COL21A1: variants seen among roughly 807,000 people sequenced by gnomAD.
COL21A1 encodes the protein collagen alpha-1(XXI) chain.
Under a neutral mutation model 137.9 loss-of-function variants are expected in COL21A1, and 149 were observed. The ratio of observed to expected loss-of-function variants is 1.08; its 90% CI spans 0.95 to 1.24. The LOEUF is 1.24. COL21A1 is among the 50% of genes most tolerant of loss of function. The pLI is 0.00. For missense variants in COL21A1, 1,167 were observed against 1,158.4 expected, an observed-to-expected ratio of 1.01 and a Z score of -0.11; for synonymous variants, 456 against 391.5, an observed-to-expected ratio of 1.16 and a Z score of -1.95.
chr6:56,088,402 G>A (rs977018113), intron 17 of COL21A1, among the ~76,000 whole-genome samples: 1 of 152,102 alleles, frequency 6.6e-6, no homozygotes, highest in African/African-American at 2.4e-5. Flanking sequence ...TCATATTTGT[G>A]TCTATTAGTA....
chr6:56,083,907 T>C (rs986250941), intron 17 of COL21A1, among the ~76,000 whole-genome samples: 9 of 151,980 alleles, frequency 5.9e-5, no homozygotes, highest in African/African-American at 2.2e-4. Context: ...TATATCCGTA[T>C]AATATACTAT....
intron 3 of COL21A1, among the ~76,000 whole-genome samples, chr6:56,176,875 A>G (rs1301393811): frequency 7.7e-6 from 1 of 130,596 alleles, no homozygotes; most frequent in Non-Finnish European, 1.6e-5. Flanking sequence ...AGGGGAGGAA[A>G]GAGGAGGAAG....
At chr6:56,293,871 C>A (rs925025461) in intron 1 of COL21A1, among the ~76,000 whole-genome samples, 3 of 152,116 alleles carry the variant, frequency 2.0e-5, no homozygotes, top group African/African-American at 7.2e-5. Flanking sequence ...CCATGAGAAA[C>A]TTTTATGAAA....
At chr6:56,303,394 T>C (rs1164683635) in intron 1 of COL21A1, among the ~76,000 whole-genome samples, 2 of 151,656 alleles carry the variant, frequency 1.3e-5, no homozygotes, top group African/African-American at 2.4e-5. Context: ...GTTTGTATCC[T>C]CTTTTATTTC....
intron 1 of COL21A1, among the ~76,000 whole-genome samples, chr6:56,242,146 T>A (rs1782365189): frequency 6.6e-6 from 1 of 152,124 alleles, no homozygotes; most frequent in South Asian, 2.1e-4. Context: ...GGAACCAAAC[T>A]CTCTCTTCCT....
chr6:56,222,420 G>C (rs1780894036), intron 1 of COL21A1, among the ~76,000 whole-genome samples: 1 of 151,978 alleles, frequency 6.6e-6, no homozygotes, highest in South Asian at 2.1e-4. Context: ...TATTTTTCAA[G>C]TTTCTCCATC....
chr6:56,300,052 T>C (rs12209474), intron 1 of COL21A1, among the ~76,000 whole-genome samples: 46,450 of 152,060 alleles, frequency 0.31, 7,616 homozygotes, highest in Non-Finnish European at 0.36. Context: ...TTAGTTGTTA[T>C]GTTTTTCCTT....
chr6:56,110,659 T>C (rs1771346841), intron 16 of COL21A1, among the ~76,000 whole-genome samples: 1 of 151,922 alleles, frequency 6.6e-6, no homozygotes, highest in Non-Finnish European at 1.5e-5. Context: ...ATACAATCAA[T>C]ATACCAAAAC....
chr6:56,282,966 T>TA (rs1763815757), intron 1 of COL21A1, among the ~76,000 whole-genome samples: 1 of 152,358 alleles, frequency 6.6e-6, no homozygotes, highest in Admixed American at 6.5e-5. Context: ...TAGATGTACT[T>TA]ATTTGAAGTA....
chr6:56,151,024 C>A (rs1775278174), intron 10 of COL21A1, among the ~76,000 whole-genome samples: 2 of 151,920 alleles, frequency 1.3e-5, no homozygotes, highest in African/African-American at 4.8e-5. Context: ...GAGATCAAGA[C>A]CATCCTGGCT....
chr6:56,122,307 G>A (rs62412806), intron 16 of COL21A1, among the ~76,000 whole-genome samples: 1,889 of 150,532 alleles, frequency 0.013, 23 homozygotes, highest in Middle Eastern at 0.024. Context: ...ATGGGCATGC[G>A]GTTTCTTTTT....
chr6:56,252,755 G>A (rs1218454774), intron 1 of COL21A1, among the ~76,000 whole-genome samples: 2 of 152,118 alleles, frequency 1.3e-5, no homozygotes, highest in Non-Finnish European at 2.9e-5. Context: ...CCACAATGGG[G>A]AAGAAAATAT....
intron 1 of COL21A1, among the ~76,000 whole-genome samples, chr6:56,273,478 A>G (rs988016468): frequency 1.3e-5 from 2 of 152,222 alleles, no homozygotes; most frequent in Non-Finnish European, 2.9e-5. Context: ...ATAGACTGCT[A>G]GCTACATCAA....
chr6:56,359,487 G>A (rs910053722), intron 1 of COL21A1, among the ~76,000 whole-genome samples: 9 of 152,154 alleles, frequency 5.9e-5, no homozygotes, highest in African/African-American at 2.2e-4. Flanking sequence ...GAAGTAGGTG[G>A]GGGTTGGTTG....
chr6:56,290,585 C>T (rs1410046344), intron 1 of COL21A1, among the ~76,000 whole-genome samples: 1 of 147,176 alleles, frequency 6.8e-6, no homozygotes, highest in Non-Finnish European at 1.5e-5. Flanking sequence ...CTGCAACCTC[C>T]GCTTCCCAGG....
intron 10 of COL21A1, among the ~76,000 whole-genome samples, chr6:56,151,934 AGGGAGACACTGCG>A (rs1775362445): frequency 6.6e-6 from 1 of 152,176 alleles, no homozygotes; most frequent in African/African-American, 2.4e-5. Flanking sequence ...TGGGGGAAGT[AGGGAGACACTGCG>A]GGGAGGGGCT....
At chr6:56,068,676 G>A (rs1582235032) in intron 22 of COL21A1, 1 of 158,772 alleles carries the variant, frequency 6.3e-6, no homozygotes, top group East Asian at 1.8e-4. Flanking sequence ...ATCCGGTTTT[G>A]GCAAGAGGGG....
At chr6:56,065,986 C>G (rs958526971) in intron 23 of COL21A1, among the ~76,000 whole-genome samples, 1 of 151,808 alleles carries the variant, frequency 6.6e-6, no homozygotes, top group Non-Finnish European at 1.5e-5. Flanking sequence ...GTGTCAAGTT[C>G]AAGAGATATT....
At chr6:56,283,041 T>C (rs185748394) in intron 1 of COL21A1, among the ~76,000 whole-genome samples, 46 of 152,342 alleles carry the variant, frequency 3.0e-4, no homozygotes, top group Non-Finnish European at 5.7e-4. Flanking sequence ...TATAGAAATA[T>C]GTATGCAAAA....
Sources: gnomAD v4.1 joint callset for allele counts (sites outside exome capture counted in the v4.1 genomes callset) on GRCh38, gnomAD v4.1.1 for gene constraint, MANE v1.5 for transcripts, NCBI Gene and HGNC (gene_info 2026-07-23, HGNC 2026-07-21) for gene names.